The following SLC4A1 variants were observed in gnomAD, a reference collection of about 807,000 sequenced individuals.
The protein encoded by SLC4A1 is solute carrier family 4 member 1 (Diego blood group).
A neutral mutation model predicts 93.1 loss-of-function variants in SLC4A1; 29 were observed. That is an observed-to-expected ratio of 0.31 (90% CI 0.23 to 0.42). The LOEUF (loss-of-function observed/expected upper bound fraction) is 0.42, where lower values mean the gene tolerates loss of function less well. Among genes scored for constraint, SLC4A1 ranks in the 20% least tolerant of loss-of-function variants. SLC4A1 has a pLI of 1.00. For missense variants in SLC4A1, 965 were observed against 1,190.1 expected, an observed-to-expected ratio of 0.81 and a Z score of 2.78; for synonymous variants, 469 against 497.2, an observed-to-expected ratio of 0.94 and a Z score of 0.76.
At position 44,258,321 on chromosome 17, in the gene SLC4A1, A is replaced by G; in HGVS notation, c.1087+92T>C. ...GAAGATGTGGGCAAAGGGAGCGATGAGAGGGGAACATGTGATGGGAGACAG... is the reference window on the plus strand; with the variant it reads ...GAAGATGTGGGCAAAGGGAGCGATGGGAGGGGAACATGTGATGGGAGACAG... On this transcript the variant is annotated intron_variant, in intron 10 of 19. Coordinates refer to ENST00000262418, the MANE Select transcript of SLC4A1 (RefSeq NM_000342.4). The surrounding 1 kb of genome is among the most constrained non-coding windows in gnomAD (Gnocchi z 6.1). 7.0e-7 allele frequency: 1 copy of G among 1,429,062 alleles called. No homozygotes were observed. The highest frequency in any genetic ancestry group is 1.7e-5 in the Admixed American group (1 of 59,656). The allele number at this position is 1,429,062 out of a possible 1,614,324, so 88.5% of individuals were successfully genotyped here. A position where few individuals can be genotyped will look rare whatever the true frequency, so the allele number is the denominator to read the frequency against.
chr17:44,266,220 A>G (rs1460691005), intron 1 of SLC4A1, among the ~76,000 whole-genome samples: 1 of 151,800 alleles, frequency 6.6e-6, no homozygotes, highest in African/African-American at 2.4e-5. Flanking sequence ...CTGATGACCC[A>G]CCTCTTCTCT....
At position 44,250,414 on chromosome 17, in the gene SLC4A1, G is replaced by T; in HGVS notation, c.*44C>A. ...ACTTCTGCTTTTCCTTGGAAGGTGG[G>T]GATGTGGAATGGTGGGGGAGGGTCT... is the stretch of plus-strand genomic sequence containing the variant. On this transcript the variant is annotated 3_prime_UTR_variant, in exon 20 of 20. Transcript: ENST00000262418. 6.8e-7 allele frequency: 1 copy of T among 1,465,892 alleles called. No individual in the cohort carries two copies. Among genetic ancestry groups the T allele is most frequent in the East Asian group, 2.3e-5 (1 of 44,160 alleles). 90.8% of individuals were successfully genotyped at this position (1,465,892 alleles called of 1,614,324 possible).
intron 15 of SLC4A1, 59 bp downstream of exon 15, chr17:44,255,148 G>C: frequency 8.5e-7 from 1 of 1,173,368 alleles, no homozygotes; most frequent in Non-Finnish European, 1.2e-6. Context: ...GGGCATGCTG[G>C]GGGGTGGAAA....
chr17:44,251,543 G>C lies in SLC4A1; in HGVS notation c.2357C>G (p.Ala786Gly). 1 of 1,614,144 alleles carries C rather than the reference G, an allele frequency of 6.2e-7. No individual in the cohort carries two copies. The highest frequency in any genetic ancestry group is 8.5e-7 in the Non-Finnish European group (1 of 1,180,026). ...MEPILSRIPL[A>G]VLFGIFLYMG... ...GTAGAGGAAGATGCCAAACAGTACA[G>C]CCAGGGGGATGCGGGACAGGATGGG... is the stretch of plus-strand genomic sequence containing the variant. The change falls in exon 18 of 20, where the codon GCT becomes GGT. Residue 786 changes from alanine to glycine, a missense_variant. By Grantham distance (60) the Ala-to-Gly change is moderately conservative. This residue lies in a region of SLC4A1 where 770 missense variants were observed against 1,006.6 expected (regional missense o/e 0.76). Transcript: ENST00000262418.
In SLC4A1 at chr17:44,256,707, C is replaced by T. The variant is rs976071230; in HGVS notation, c.1626+643G>A. 2.6e-5 allele frequency among the ~76,000 whole-genome samples: 4 copies of T among 152,224 alleles called. No individual in the cohort carries two copies. In the East Asian group the frequency reaches 7.7e-4, roughly 29 times the overall value. ...CATGCCCATACCTACCCATTGCTCA[C>T]GTCATGTGTGGTCATGAACTGGACA... On this transcript the variant is annotated intron_variant, in intron 13 of 19. Coordinates refer to ENST00000262418, the MANE Select transcript of SLC4A1 (RefSeq NM_000342.4).
chr17:44,260,549 G>A lies in SLC4A1; in HGVS notation c.350-10C>T, dbSNP rs780857618. On this transcript the variant is annotated splice_polypyrimidine_tract_variant and intron_variant, in intron 5 of 19. Coordinates refer to ENST00000262418, the MANE Select transcript of SLC4A1 (RefSeq NM_000342.4). Reference sequence around the variant, plus strand: ...TCTAGGAGGACAGTACCTGCAGGCAGTGGAGGAGTGAGCTGGTAGGCTGGG... The same window carrying A: ...TCTAGGAGGACAGTACCTGCAGGCAATGGAGGAGTGAGCTGGTAGGCTGGG... 6.2e-7 allele frequency: 1 copy of A among 1,614,102 alleles called. No homozygotes were observed. The highest frequency in any genetic ancestry group is 1.3e-5 in the African/African-American group (1 of 74,948).
Position 44,262,835 on chromosome 17 carries a change from T to C in SLC4A1, c.15+17A>G, listed in dbSNP as rs766168652. The C allele has an allele frequency of 6.2e-6, 10 of 1,613,496 alleles. No individual in the cohort carries two copies. Among genetic ancestry groups the C allele is most frequent in the South Asian group, 1.1e-5 (1 of 91,046 alleles). ...AGCCTCCAGGTGGGAGCACTGCTGA[T>C]GCCAGGGAACACCCACCTGCAGCTC... On this transcript the variant is annotated intron_variant, in intron 2 of 19. Coordinates refer to ENST00000262418, the MANE Select transcript of SLC4A1 (RefSeq NM_000342.4).
chr17:44,250,728 C>CG (rs2047331046), intron 19 of SLC4A1, among the ~76,000 whole-genome samples, 190 bp from the exon 20 acceptor site: 1 of 152,160 alleles, frequency 6.6e-6, no homozygotes, highest in African/African-American at 2.4e-5. Context: ...GAGGCAACCC[C>CG]GGGGATGTGG....
Position 44,250,129 on chromosome 17 carries a change from T to C in SLC4A1, c.*329A>G. ...CCACCCGCTCACCCACCTCCTGCCT[T>C]TGCTTCTACCCCTGCCTGTGCTGGG... On this transcript the variant is annotated 3_prime_UTR_variant, in exon 20 of 20. Transcript: ENST00000262418. 2 of 360,480 alleles carry C rather than the reference T, an allele frequency of 5.5e-6. No homozygotes were observed. The highest frequency in any genetic ancestry group is 2.9e-5 in the South Asian group (1 of 34,868). 22.3% of individuals were successfully genotyped at this position (360,480 alleles called of 1,614,324 possible). A position where few individuals can be genotyped will look rare whatever the true frequency, so the allele number is the denominator to read the frequency against.
rs1442608326 is a variant in SLC4A1 at position 44,259,484 on chromosome 17, T to A, written c.694+13A>T. 1 of 1,609,804 alleles carries A rather than the reference T, an allele frequency of 6.2e-7. No individual in the cohort carries two copies. The highest frequency in any genetic ancestry group is 8.5e-7 in the Non-Finnish European group (1 of 1,176,168). ...GGGTGTGGAGGGCTGAGGGTAGAGA[T>A]GCCTGTTCTTACCCACTAGCACCAA... is the stretch of plus-strand genomic sequence containing the variant. On this transcript the variant is annotated intron_variant, in intron 8 of 19. Transcript: ENST00000262418.
intron 17 of SLC4A1, among the ~76,000 whole-genome samples, chr17:44,252,073 T>TTTTTTTGG (rs2047348155): frequency 7.1e-6 from 1 of 140,632 alleles, no homozygotes. Flanking sequence ...TTTTTTTTTT[T>TTTTTTTGG]GAGGCGGAGT....
chr17:44,261,308 C>A (rs1449395746), intron 4 of SLC4A1, among the ~76,000 whole-genome samples: 2 of 152,160 alleles, frequency 1.3e-5, no homozygotes, highest in Non-Finnish European at 2.9e-5. Context: ...CAGTGACGCC[C>A]GACAGCCCAG....
chr17:44,257,597 C>T (rs1439350610), intron 12 of SLC4A1, 53 bp from the exon 13 acceptor site: 3 of 1,613,016 alleles, frequency 1.9e-6, no homozygotes, highest in Non-Finnish European at 2.5e-6. Context: ...GGGCAAGGCA[C>T]CATGCATCAG....
Position 44,253,281 on chromosome 17 carries a change from G to C in SLC4A1, c.2148C>G (p.Ala716=). 6.2e-7 allele frequency: 1 copy of C among 1,614,012 alleles called. No homozygotes were observed. Among genetic ancestry groups the C allele is most frequent in the Non-Finnish European group, 8.5e-7 (1 of 1,180,008 alleles). ...TGAGCCAGGGCATCCCAAAGAGGGC[G>C]GCCACCCCACCCATGCCTACTACCA... The part of the protein sequence containing the change: ...LLLVVGMGGV[A]ALFGMPWLSA... The change falls in exon 17 of 20, where the codon GCC becomes GCG. Residue 716 remains alanine, a synonymous_variant. Transcript: ENST00000262418.
In SLC4A1 at chr17:44,258,727, G is replaced by A; in HGVS notation, c.877-104C>T. 1 of 1,115,146 alleles carries A rather than the reference G, an allele frequency of 9.0e-7. No homozygotes were observed. Among genetic ancestry groups the A allele is most frequent in the African/African-American group, 1.5e-5 (1 of 64,570 alleles). The allele number at this position is 1,115,146 out of a possible 1,614,324, so 69.1% of individuals were successfully genotyped here. On this transcript the variant is annotated intron_variant, in intron 9 of 19. Transcript: ENST00000262418. This position sits in a 1 kb window ranked among gnomAD's most constrained non-coding sequence, Gnocchi z 6.1. ...GGAACCAGAACCCCCTCAGGCAGCA[G>A]CTCCCATTGCCAGGAACTGCTTTTC...
At chr17:44,264,851 G>A (rs1306523101) in intron 1 of SLC4A1, among the ~76,000 whole-genome samples, 1 of 152,078 alleles carries the variant, frequency 6.6e-6, no homozygotes, top group Admixed American at 6.5e-5. Flanking sequence ...GCCCCAGACT[G>A]GGTGTGGAGG....
intron 3 of SLC4A1, chr17:44,262,115 C>A: frequency 9.7e-7 from 1 of 1,033,736 alleles, no homozygotes; most frequent in Non-Finnish European, 1.2e-6. Context: ...CTCCCACCCC[C>A]AGCCCTCATT....
chr17:44,252,846 G>C (rs768689431), intron 17 of SLC4A1, among the ~76,000 whole-genome samples: 1 of 152,160 alleles, frequency 6.6e-6, no homozygotes, highest in African/African-American at 2.4e-5. Flanking sequence ...CAGTTCACTG[G>C]ACTTCTGTTG....
At chr17:44,259,008 G>A (rs1176454635) in intron 9 of SLC4A1, among the ~76,000 whole-genome samples, 155 bp downstream of exon 9, 1 of 152,130 alleles carries the variant, frequency 6.6e-6, no homozygotes, top group Non-Finnish European at 1.5e-5. Flanking sequence ...TGCACGCCCC[G>A]ACTGCCCCCG....
Sources: gnomAD v4.1 joint callset for allele counts (sites outside exome capture counted in the v4.1 genomes callset) on GRCh38, gnomAD v4.1.1 for gene constraint, gnomAD v4.1.1 regional missense constraint, Gnocchi (gnomAD v3.1) non-coding constraint, MANE v1.5 for transcripts, NCBI Gene and HGNC (gene_info 2026-07-23, HGNC 2026-07-21) for gene names.